The following PPP1R1C variants were observed in gnomAD, a reference collection of about 807,000 sequenced individuals.
The protein encoded by PPP1R1C is protein phosphatase 1 regulatory inhibitor subunit 1C, also known as protein phosphatase 1 regulatory subunit 1C.
In PPP1R1C, 15 loss-of-function variants were observed where a neutral mutation model predicts 17.4. The observed-to-expected ratio is 0.86, with a 90% confidence interval of 0.58 to 1.33. The LOEUF is 1.33. Among genes scored for constraint, PPP1R1C ranks in the 40% most tolerant of loss-of-function variants. PPP1R1C has a pLI of 0.00. For missense variants in PPP1R1C, 143 were observed against 130.0 expected, an observed-to-expected ratio of 1.10 and a Z score of -0.48; for synonymous variants, 35 against 43.1, an observed-to-expected ratio of 0.81 and a Z score of 0.73.
At chr2:182,112,155 T>C (rs1199208976) in intron 4 of PPP1R1C, among the ~76,000 whole-genome samples, 1 of 152,152 alleles carries the variant, frequency 6.6e-6, no homozygotes, top group African/African-American at 2.4e-5. Flanking sequence ...CCTGTTTCTT[T>C]TTCATGCTCA....
At chr2:182,106,608 T>C (rs2125231345) in intron 4 of PPP1R1C, among the ~76,000 whole-genome samples, 1 of 152,284 alleles carries the variant, frequency 6.6e-6, no homozygotes, top group South Asian at 2.1e-4. Context: ...TCCAAGCCCA[T>C]ATGTGATCCA....
chr2:181,984,772 T>G (rs1049163968), upstream of PPP1R1C, among the ~76,000 whole-genome samples: 2 of 152,200 alleles, frequency 1.3e-5, no homozygotes, highest in African/African-American at 2.4e-5. Context: ...CTAAATATAT[T>G]AAGTACATCC....
At chr2:181,956,236 T>C (rs985754120) in intron 1 of PPP1R1C, among the ~76,000 whole-genome samples, 1 of 152,232 alleles carries the variant, frequency 6.6e-6, no homozygotes, top group Admixed American at 6.5e-5. Flanking sequence ...ACTCATTCTT[T>C]CTTATGGCTG....
intron 4 of PPP1R1C, among the ~76,000 whole-genome samples, chr2:182,105,121 T>C (rs1574456088): frequency 6.6e-6 from 1 of 152,236 alleles, no homozygotes; most frequent in Middle Eastern, 3.4e-3. Flanking sequence ...AAGGCAGATA[T>C]ATGGGTGCAG....
At position 182,079,493 on chromosome 2, in the gene PPP1R1C, G is replaced by A. The variant is rs534458301; in HGVS notation, c.241+15702G>A. ...CAGTGGCTAAGTGCAAAAATCTGAA[G>A]CCTGAGAATCTCAGTTTGAATTCTA... On this transcript the variant is annotated intron_variant, in intron 4 of 4. Transcript: ENST00000682840. 1.3e-3 allele frequency among the ~76,000 whole-genome samples: 203 copies of A among 152,270 alleles called. 1 individual carries two copies. The highest frequency in any genetic ancestry group is 3.4e-3 in the Middle Eastern group (1 of 294).
At chr2:181,987,017 G>C (rs1467546098) in intron 1 of PPP1R1C, among the ~76,000 whole-genome samples, 13 of 152,124 alleles carry the variant, frequency 8.5e-5, no homozygotes, top group Non-Finnish European at 7.4e-5. Flanking sequence ...TAGTGTTTCA[G>C]GATGTTTTGA....
intron 2 of PPP1R1C, among the ~76,000 whole-genome samples, chr2:182,031,994 A>G (rs1686856961): frequency 6.6e-6 from 1 of 152,206 alleles, no homozygotes; most frequent in African/African-American, 2.4e-5. Flanking sequence ...GTGCCCCTTC[A>G]TGGGGAAGTC....
chr2:181,998,709 G>C (rs1411803605), intron 2 of PPP1R1C, among the ~76,000 whole-genome samples: 1 of 152,182 alleles, frequency 6.6e-6, no homozygotes, highest in African/African-American at 2.4e-5. Flanking sequence ...TTGCCATAGA[G>C]AACTTCCTAT....
chr2:182,018,166 T>A (rs1686313607), intron 2 of PPP1R1C, among the ~76,000 whole-genome samples: 1 of 152,180 alleles, frequency 6.6e-6, no homozygotes. Flanking sequence ...GCTATAATGA[T>A]CTACCTAAAC....
chr2:181,976,959 G>A lies in PPP1R1C; in HGVS notation n.157+1695G>A, dbSNP rs746985024. Among the ~76,000 whole-genome samples the A allele has an allele frequency of 2.6e-5, 4 of 151,412 alleles. No individual in the cohort carries two copies. Among genetic ancestry groups the A allele is most frequent in the Non-Finnish European group, 4.4e-5 (3 of 67,842 alleles). On this transcript the variant is annotated intron_variant and non_coding_transcript_variant, in intron 2 of 5. Transcript: ENST00000464264. This position sits in a 1 kb window ranked among gnomAD's most constrained non-coding sequence, Gnocchi z 4.8. ...TCAAGACCAGCCTGGGCAACATAGCGAGACCCTGTCTCTACTAAAAATACA... is the reference window on the plus strand; with the variant it reads ...TCAAGACCAGCCTGGGCAACATAGCAAGACCCTGTCTCTACTAAAAATACA...
At chr2:182,118,304 G>A (rs1396628485), downstream of PPP1R1C, among the ~76,000 whole-genome samples, 1 of 152,092 alleles carries the variant, frequency 6.6e-6, no homozygotes, top group African/African-American at 2.4e-5. Context: ...ATATGACAGT[G>A]TATATTTATT....
At position 182,047,702 on chromosome 2, in the gene PPP1R1C, A is replaced by T. The variant is rs182966066; in HGVS notation, c.143-13740A>T. Among the ~76,000 whole-genome samples the T allele has an allele frequency of 2.4e-4, 37 of 152,322 alleles. 1 individual carries two copies. The East Asian group carries it at 6.4e-3, about 26-fold the overall frequency. The stretch of plus-strand genomic sequence containing the variant: ...TATAAAATGGTTGTGTGGTAGGATA[A>T]AATATGTCTTATAAGAGAAACTAAG... On this transcript the variant is annotated intron_variant, in intron 2 of 4. Coordinates refer to ENST00000682840, the MANE Select transcript of PPP1R1C (RefSeq NM_001080545.3).
intron 2 of PPP1R1C, among the ~76,000 whole-genome samples, chr2:182,043,560 C>T (rs904092823): frequency 6.6e-6 from 1 of 151,896 alleles, no homozygotes; most frequent in African/African-American, 2.4e-5. Flanking sequence ...AACAGCACGC[C>T]ATGTGTAAGC....
At chr2:182,037,224 A>G (rs1687038260) in intron 2 of PPP1R1C, among the ~76,000 whole-genome samples, 1 of 152,230 alleles carries the variant, frequency 6.6e-6, no homozygotes, top group Non-Finnish European at 1.5e-5. Flanking sequence ...ACAGTTTTCT[A>G]CAAGAGAAAT....
chr2:182,124,712 A>T (rs894726728), intron 5 of PPP1R1C, among the ~76,000 whole-genome samples: 1 of 152,098 alleles, frequency 6.6e-6, no homozygotes, highest in Non-Finnish European at 1.5e-5. Flanking sequence ...TTATTGGTGT[A>T]TAGGAATGCT....
intron 2 of PPP1R1C, among the ~76,000 whole-genome samples, chr2:182,039,272 T>C (rs943385001): frequency 6.6e-6 from 1 of 152,216 alleles, no homozygotes; most frequent in Non-Finnish European, 1.5e-5. Context: ...ATAATTTTGA[T>C]TGAAAGTGTC....
chr2:181,995,119 T>TATCTGAGAAACTTATCTGAG (rs1247315984), intron 2 of PPP1R1C, among the ~76,000 whole-genome samples: 8 of 152,206 alleles, frequency 5.3e-5, no homozygotes, highest in African/African-American at 1.9e-4. Context: ...GAGACATATT[T>TATCTGAGAAACTTATCTGAG]ACAATCTGAC....
rs1357473639 is a variant in PPP1R1C, at chr2:181,967,159, G to T, written n.112-8060G>T. 1.3e-5 allele frequency among the ~76,000 whole-genome samples: 2 copies of T among 151,790 alleles called. No homozygotes were observed. Among genetic ancestry groups the T allele is most frequent in the African/African-American group, 2.4e-5 (1 of 41,338 alleles). On this transcript the variant is annotated intron_variant and non_coding_transcript_variant, in intron 1 of 5. Coordinates refer to the PPP1R1C transcript ENST00000464264. This position sits in a 1 kb window ranked among gnomAD's most constrained non-coding sequence, Gnocchi z 5.5. ...TATTTGTTGTAATGTCTTCTTTTTT[G>T]TCTCTGATTTTATTTATTTGAGTCT...
In PPP1R1C at chr2:181,961,584, C is replaced by G. The variant is rs903658890; in HGVS notation, n.111+6950C>G. 5.4e-6 allele frequency: 4 copies of G among 745,898 alleles called. No individual in the cohort carries two copies. Among genetic ancestry groups the G allele is most frequent in the Non-Finnish European group, 7.2e-6 (3 of 418,038 alleles). The allele number at this position is 745,898 out of a possible 1,614,324, so 46.2% of individuals were successfully genotyped here. On this transcript the variant is annotated intron_variant and non_coding_transcript_variant, in intron 1 of 5. Coordinates refer to the PPP1R1C transcript ENST00000464264. The surrounding 1 kb of genome is among the most constrained non-coding windows in gnomAD (Gnocchi z 5.8). ...TCTTTAAGGACTGGACTGTACGTCTCAGCTCCGTGAGCGTCATCTCAGCAT... is the reference window on the plus strand; with the variant it reads ...TCTTTAAGGACTGGACTGTACGTCTGAGCTCCGTGAGCGTCATCTCAGCAT...
Sources: allele counts gnomAD v4.1 joint callset (sites outside exome capture counted in the v4.1 genomes callset), GRCh38; gene constraint gnomAD v4.1.1; non-coding constraint Gnocchi (gnomAD v3.1); transcripts MANE v1.5; gene names NCBI Gene and HGNC (gene_info 2026-07-23, HGNC 2026-07-21).